ASB18: variants seen among roughly 807,000 people sequenced by gnomAD.
ASB18 encodes the protein ankyrin repeat and SOCS box protein 18.
A neutral mutation model predicts 33.4 loss-of-function variants in ASB18; 33 were observed. The ratio of observed to expected loss-of-function variants is 0.99; its 90% CI spans 0.75 to 1.32. ASB18 has a LOEUF of 1.32. ASB18 is among the 40% of genes most tolerant of loss of function. ASB18 has a pLI of 0.00. For missense variants in ASB18, 694 were observed against 655.5 expected (o/e 1.06, Z -0.64); for synonymous variants, 295 against 307.6 (o/e 0.96, Z 0.43).
rs758426558 is a variant in ASB18 at position 236,219,282 on chromosome 2, TA to T, written c.597-4417del. Among the ~76,000 whole-genome samples the T allele has an allele frequency of 6.6e-6, 1 of 152,124 alleles. No individual in the cohort carries two copies. Among genetic ancestry groups the T allele is most frequent in the Non-Finnish European group, 1.5e-5 (1 of 68,030 alleles). Reference sequence around the variant, plus strand: ...CATGCGTTTTTCAAGTTATCCAAAATAAGTCAAGGTGCAGTTTGATACAAGA... The same window carrying T: ...CATGCGTTTTTCAAGTTATCCAAAATAGTCAAGGTGCAGTTTGATACAAGA... On this transcript the variant is annotated intron_variant, in intron 3 of 5. Transcript: ENST00000409749. The surrounding 1 kb of genome is among the most constrained non-coding windows in gnomAD (Gnocchi z 6.4).
rs943937120 is a variant in ASB18 at position 236,196,335 on chromosome 2, G to A, written c.1152C>T (p.Asn384=). 4 of 1,568,286 alleles carry A rather than the reference G, an allele frequency of 2.6e-6. No homozygotes were observed. The highest frequency in any genetic ancestry group is 3.5e-6 in the Non-Finnish European group (4 of 1,156,026). The change falls in exon 5 of 6, where the codon AAC becomes AAT. Residue 384 remains asparagine (N), a synonymous_variant. Coordinates refer to ENST00000409749, the MANE Select transcript of ASB18 (RefSeq NM_212556.4). The surrounding 1 kb of genome is among the most constrained non-coding windows in gnomAD (Gnocchi z 5.6). ...SVPAVIEVLF[N]SYPQLCLSES... is the part of the protein sequence containing the mutation. ...CTGACAAGCAGAGCTGAGGGTAGGA[G>A]TTGAAAAGCACCTCGATGACTGCGG...
In ASB18 at chr2:236,264,162, G is replaced by C; in HGVS notation, c.184C>G (p.Leu62Val). ...TTACCTAGCAGCATGCCGGTGGGCA[G>C]CTGAGCCGAGGGGTCTTTCATCCAG... ...DDWMKDPSAQ[L>V]PTGMLLGDLD... Residue 62 changes from leucine to valine, a missense_variant, in exon 1 of 6, where the codon CTG becomes GTG. Transcript: ENST00000409749. The surrounding 1 kb of genome is among the most constrained non-coding windows in gnomAD (Gnocchi z 5.1). 6.2e-7 allele frequency: 1 copy of C among 1,613,806 alleles called. No homozygotes were observed. Among genetic ancestry groups the C allele is most frequent in the Non-Finnish European group, 8.5e-7 (1 of 1,179,860 alleles).
chr2:236,226,878 A>T lies in ASB18; in HGVS notation c.596+10811T>A, dbSNP rs1461892445. Among the ~76,000 whole-genome samples, 1 of 152,196 alleles carries T rather than the reference A, an allele frequency of 6.6e-6. No individual in the cohort carries two copies. The highest frequency in any genetic ancestry group is 2.4e-5 in the African/African-American group (1 of 41,458). On this transcript the variant is annotated intron_variant, in intron 3 of 5. Coordinates refer to ENST00000409749, the MANE Select transcript of ASB18 (RefSeq NM_212556.4). This position sits in a 1 kb window ranked among gnomAD's most constrained non-coding sequence, Gnocchi z 4.8. The stretch of plus-strand genomic sequence containing the variant: ...TTAGATTTTCAGAGGAGTTGCAAAG[A>T]TAGCATAGAGAGTTTCTGAATACGC...
At chr2:236,206,845 G>C (rs1337595051) in intron 4 of ASB18, among the ~76,000 whole-genome samples, 1 of 152,218 alleles carries the variant, frequency 6.6e-6, no homozygotes, top group East Asian at 1.9e-4. Flanking sequence ...TGGTGGGATA[G>C]TGGGATGAGG....
rs1397228124 is a variant in ASB18, at chr2:236,213,368, C to T, written c.1101+994G>A. ...AGAGAAATGAGTGAATCTCACTTCT[C>T]GATGGTTCAGACCACTGAGAACACT... On this transcript the variant is annotated intron_variant, in intron 4 of 5. Transcript: ENST00000409749. This position sits in a 1 kb window ranked among gnomAD's most constrained non-coding sequence, Gnocchi z 4.8. 6.6e-6 allele frequency among the ~76,000 whole-genome samples: 1 copy of T among 152,044 alleles called. No homozygotes were observed. The highest frequency in any genetic ancestry group is 1.9e-4 in the East Asian group (1 of 5,186).
intron 4 of ASB18, among the ~76,000 whole-genome samples, chr2:236,207,926 C>G (rs377561915): frequency 6.6e-6 from 1 of 151,516 alleles, no homozygotes; most frequent in African/African-American, 2.4e-5. Flanking sequence ...CATGAGGTTG[C>G]CTTGTTGCTG....
rs1246485499 is a variant in ASB18, at chr2:236,264,132, T to C, written c.205+9A>G. Reference sequence around the variant, plus strand: ...TAAATCCCAGATGCAGCAGGCTCGTTCTGGTTACCTAGCAGCATGCCGGTG... The same window carrying C: ...TAAATCCCAGATGCAGCAGGCTCGTCCTGGTTACCTAGCAGCATGCCGGTG... On this transcript the variant is annotated intron_variant, in intron 1 of 5. Coordinates refer to ENST00000409749, the MANE Select transcript of ASB18 (RefSeq NM_212556.4). This position sits in a 1 kb window ranked among gnomAD's most constrained non-coding sequence, Gnocchi z 5.1. The C allele has an allele frequency of 6.2e-6, 10 of 1,613,224 alleles. No individual in the cohort carries two copies. In the East Asian group the frequency reaches 2.2e-4, roughly 36 times the overall value.
Position 236,239,171 on chromosome 2 carries a change from A to G in ASB18, c.329-1215T>C, listed in dbSNP as rs768284714. On this transcript the variant is annotated intron_variant, in intron 2 of 5. Coordinates refer to ENST00000409749, the MANE Select transcript of ASB18 (RefSeq NM_212556.4). The surrounding 1 kb of genome is among the most constrained non-coding windows in gnomAD (Gnocchi z 5.6). ...TATCTACATTGTTATCCCCGTGATAACAATAACCTACATTCCTGCAGGTGC... is the reference window on the plus strand; with the variant it reads ...TATCTACATTGTTATCCCCGTGATAGCAATAACCTACATTCCTGCAGGTGC... Among the ~76,000 whole-genome samples, 29 of 152,322 alleles carry G rather than the reference A, an allele frequency of 1.9e-4. No individual in the cohort carries two copies. Among genetic ancestry groups the G allele is most frequent in the Non-Finnish European group, 4.0e-4 (27 of 68,018 alleles).
In ASB18 at chr2:236,241,560, G is replaced by C. The variant is rs1370593886; in HGVS notation, c.206-158C>G. On this transcript the variant is annotated intron_variant, in intron 1 of 5. Transcript: ENST00000409749. The surrounding 1 kb of genome is among the most constrained non-coding windows in gnomAD (Gnocchi z 4.2). ...TTTCAGAAGAGTTCTTCAGGAACGG[G>C]AAAGATGGTCTTATGGAGTGTGAGC... 4 of 831,204 alleles carry C rather than the reference G, an allele frequency of 4.8e-6. No individual in the cohort carries two copies. The highest frequency in any genetic ancestry group is 8.0e-6 in the Non-Finnish European group (4 of 500,904). 51.5% of individuals were successfully genotyped at this position (831,204 alleles called of 1,614,324 possible).
Position 236,237,676 on chromosome 2 carries a change from C to T in ASB18, c.596+13G>A. ...GCGGGGCGGACGCCGCGGGCCTGTC[C>T]CGAGGTCCTTACCCGAGCGAGGCGG... is the stretch of plus-strand genomic sequence containing the variant. On this transcript the variant is annotated intron_variant, in intron 3 of 5. Coordinates refer to ENST00000409749, the MANE Select transcript of ASB18 (RefSeq NM_212556.4). The surrounding 1 kb of genome is among the most constrained non-coding windows in gnomAD (Gnocchi z 6.2). 7.0e-7 allele frequency: 1 copy of T among 1,429,046 alleles called. No homozygotes were observed. Among genetic ancestry groups the T allele is most frequent in the Non-Finnish European group, 9.1e-7 (1 of 1,097,912 alleles). The allele number at this position is 1,429,046 out of a possible 1,614,324, so 88.5% of individuals were successfully genotyped here.
In ASB18 at chr2:236,264,183, T is replaced by C. The variant is rs774855512; in HGVS notation, c.163A>G (p.Met55Val). ...AVIELANDDW[M>V]KDPSAQLPTG... ...GGCAGCTGAGCCGAGGGGTCTTTCA[T>C]CCAGTCGTCATTGGCCAGTTCTATC... The change falls in exon 1 of 6, where the codon ATG (methionine) becomes GTG (valine). Residue 55 changes from methionine to valine, a missense_variant. Met to Val is a conservative substitution (Grantham distance 21). Transcript: ENST00000409749. This position sits in a 1 kb window ranked among gnomAD's most constrained non-coding sequence, Gnocchi z 5.1. 1 of 1,613,978 alleles carries C rather than the reference T, an allele frequency of 6.2e-7. No individual in the cohort carries two copies. Among genetic ancestry groups the C allele is most frequent in the Non-Finnish European group, 8.5e-7 (1 of 1,179,892 alleles).
rs369025479 is a variant in ASB18 at position 236,263,835 on chromosome 2, G to C, written c.205+306C>G. On this transcript the variant is annotated intron_variant, in intron 1 of 5. Transcript: ENST00000409749. This position sits in a 1 kb window ranked among gnomAD's most constrained non-coding sequence, Gnocchi z 4.0. ...GAGCAGAACACACAATTATGTGTAT[G>C]ATATGGTTATCAGTGGGTGAAATTT... is the stretch of plus-strand genomic sequence containing the variant. 7.2e-5 allele frequency among the ~76,000 whole-genome samples: 11 copies of C among 152,182 alleles called. No homozygotes were observed. The East Asian group carries it at 1.9e-3, about 27-fold the overall frequency.
chr2:236,200,578 C>G lies in ASB18; in HGVS notation c.1102-4193G>C, dbSNP rs1232917636. 6.6e-6 allele frequency among the ~76,000 whole-genome samples: 1 copy of G among 152,168 alleles called. No individual in the cohort carries two copies. The highest frequency in any genetic ancestry group is 1.5e-5 in the Non-Finnish European group (1 of 68,038). On this transcript the variant is annotated intron_variant, in intron 4 of 5. Coordinates refer to ENST00000409749, the MANE Select transcript of ASB18 (RefSeq NM_212556.4). The surrounding 1 kb of genome is among the most constrained non-coding windows in gnomAD (Gnocchi z 4.2). ...ACACAGCTAGCCTGAGGCAAAGAGCCAGCCCAGAGAATGCATGTTCTGCCC... is the reference window on the plus strand; with the variant it reads ...ACACAGCTAGCCTGAGGCAAAGAGCGAGCCCAGAGAATGCATGTTCTGCCC...
rs965036749 is a variant in ASB18 at position 236,251,396 on chromosome 2, A to G, written c.206-9994T>C. On this transcript the variant is annotated intron_variant, in intron 1 of 5. Transcript: ENST00000409749. The surrounding 1 kb of genome is among the most constrained non-coding windows in gnomAD (Gnocchi z 5.3). ...AAGTTTCTTTACAACTGGCGTGGGG[A>G]TTTAATTACATGATAAAATTGCAGC... 6.6e-6 allele frequency among the ~76,000 whole-genome samples: 1 copy of G among 152,196 alleles called. No homozygotes were observed. Among genetic ancestry groups the G allele is most frequent in the Non-Finnish European group, 1.5e-5 (1 of 68,042 alleles).
At position 236,225,591 on chromosome 2, in the gene ASB18, C is replaced by T. The variant is rs1326224562; in HGVS notation, c.597-10725G>A. On this transcript the variant is annotated intron_variant, in intron 3 of 5. Transcript: ENST00000409749. This position sits in a 1 kb window ranked among gnomAD's most constrained non-coding sequence, Gnocchi z 5.1. ...CATTCTTTTCTTATTTTAATTATCT[C>T]GAATAAAAAGGGTCAAGGAGAGGAA... Among the ~76,000 whole-genome samples the T allele has an allele frequency of 6.6e-6, 1 of 152,040 alleles. No individual in the cohort carries two copies. The highest frequency in any genetic ancestry group is 1.5e-5 in the Non-Finnish European group (1 of 68,030).
At position 236,244,060 on chromosome 2, in the gene ASB18, C is replaced by T. The variant is rs1406058502; in HGVS notation, c.206-2658G>A. Among the ~76,000 whole-genome samples the T allele has an allele frequency of 6.6e-6, 1 of 152,238 alleles. No homozygotes were observed. The highest frequency in any genetic ancestry group is 1.5e-5 in the Non-Finnish European group (1 of 68,040). ...TAGGCTGGTCTCAAACTCCTGACCT[C>T]AGGTGATCTGCCCACTTCGGCCTCC... On this transcript the variant is annotated intron_variant, in intron 1 of 5. Transcript: ENST00000409749. This position sits in a 1 kb window ranked among gnomAD's most constrained non-coding sequence, Gnocchi z 6.1.
rs947519316 is a variant in ASB18, at chr2:236,253,153, C to T, written c.205+10988G>A. Among the ~76,000 whole-genome samples the T allele has an allele frequency of 2.0e-5, 3 of 152,180 alleles. No homozygotes were observed. The highest frequency in any genetic ancestry group is 4.8e-5 in the African/African-American group (2 of 41,446). ...CACCCAACGCTGACCCCTGAGCTCA[C>T]GAGCCACTGGGAGGATGGTGGGTGT... On this transcript the variant is annotated intron_variant, in intron 1 of 5. Transcript: ENST00000409749. The surrounding 1 kb of genome is among the most constrained non-coding windows in gnomAD (Gnocchi z 5.4).
chr2:236,193,518 A>C lies in ASB18; in HGVS notation c.*1354T>G, dbSNP rs13429284. On this transcript the variant is annotated 3_prime_UTR_variant, in exon 6 of 6. Coordinates refer to ENST00000409749, the MANE Select transcript of ASB18 (RefSeq NM_212556.4). This position sits in a 1 kb window ranked among gnomAD's most constrained non-coding sequence, Gnocchi z 5.0. ...CGATAAGAAACAAAACTGATTCGGCAGGGCATGGTGACTCATGCCTGTAAT... is the reference window on the plus strand; with the variant it reads ...CGATAAGAAACAAAACTGATTCGGCCGGGCATGGTGACTCATGCCTGTAAT... 0.21 allele frequency among the ~76,000 whole-genome samples: 32,546 copies of C among 152,190 alleles called. 4,745 individuals carry two copies. Among genetic ancestry groups the C allele is most frequent in the African/African-American group, 0.42 (17,221 of 41,494 alleles).
intron 4 of ASB18, among the ~76,000 whole-genome samples, chr2:236,207,342 G>A (rs911948406): frequency 1.5e-4 from 23 of 152,074 alleles, no homozygotes; most frequent in African/African-American, 5.6e-4. Context: ...TCCTTTTCAT[G>A]TCATTCTATT....
Sources: gnomAD v4.1 joint callset for allele counts (sites outside exome capture counted in the v4.1 genomes callset) on GRCh38, gnomAD v4.1.1 for gene constraint, Gnocchi (gnomAD v3.1) non-coding constraint, MANE v1.5 for transcripts, NCBI Gene and HGNC (gene_info 2026-07-23, HGNC 2026-07-21) for gene names.